ADAM2: variants seen among roughly 807,000 people sequenced by gnomAD.
ADAM2 encodes the protein disintegrin and metalloproteinase domain-containing protein 2.
ADAM2 carries 101 observed loss-of-function variants against 99.3 expected under a neutral mutation model. That is an observed-to-expected ratio of 1.02 (90% CI 0.87 to 1.20). The LOEUF is 1.20. Among genes scored for constraint, ADAM2 ranks in the 50% most tolerant of loss-of-function variants. ADAM2 has a pLI of 0.00. For missense variants in ADAM2, 948 were observed against 878.7 expected, an observed-to-expected ratio of 1.08 and a Z score of -1.00; for synonymous variants, 323 against 287.6, an observed-to-expected ratio of 1.12 and a Z score of -1.25.
chr8:39,773,446 A>G (rs1802861615), intron 11 of ADAM2, among the ~76,000 whole-genome samples: 1 of 151,824 alleles, frequency 6.6e-6, no homozygotes, highest in African/African-American at 2.4e-5. Context: ...TAGATAGGCC[A>G]TGGGAAAGAG....
Position 39,767,226 on chromosome 8 carries a change from C to CCCTT in ADAM2, c.1237_1238insAAGG (p.Cys413Ter), listed in dbSNP as rs769213708. Reference sequence around the variant, plus strand: ...AAATCTACATGTGGCAATATCACAGCATGTTTCTCCAATAAGGGCACAATC... The same window carrying CCCTT: ...AAATCTACATGTGGCAATATCACAGCCCTTATGTTTCTCCAATAAGGGCACAATC... On this transcript the variant is annotated stop_gained and frameshift_variant, in exon 13 of 21. Transcript: ENST00000265708. LOFTEE classifies it high-confidence loss of function. 4.4e-6 allele frequency: 7 copies of CCCTT among 1,606,712 alleles called. No individual in the cohort carries two copies. The African/African-American group carries it at 6.7e-5, about 15-fold the overall frequency.
At chr8:39,817,908 G>T (rs989470267) in intron 6 of ADAM2, 3 of 151,564 alleles carry the variant, frequency 2.0e-5, no homozygotes, top group African/African-American at 7.3e-5. Context: ...GACTCCAAAA[G>T]AAATTAGAAA....
chr8:39,810,734 G>A (rs865821196), intron 6 of ADAM2, among the ~76,000 whole-genome samples: 70 of 151,728 alleles, frequency 4.6e-4, no homozygotes, highest in Non-Finnish European at 6.3e-4. Context: ...CTTTGAAACC[G>A]ATGAGAACAA....
At chr8:39,779,604 A>C (rs1298495931) in intron 10 of ADAM2, among the ~76,000 whole-genome samples, 1 of 152,160 alleles carries the variant, frequency 6.6e-6, no homozygotes, top group Non-Finnish European at 1.5e-5. Flanking sequence ...TATATTTAAC[A>C]CTGAATTTAA....
At chr8:39,785,114 A>G (rs1181171758) in intron 10 of ADAM2, among the ~76,000 whole-genome samples, 1 of 152,228 alleles carries the variant, frequency 6.6e-6, no homozygotes, top group Non-Finnish European at 1.5e-5. Flanking sequence ...TTAGTCATAT[A>G]TTATTTGGCA....
intron 7 of ADAM2, among the ~76,000 whole-genome samples, chr8:39,802,747 A>G (rs1804272180): frequency 6.6e-6 from 1 of 152,042 alleles, no homozygotes; most frequent in Admixed American, 6.6e-5. Flanking sequence ...GGACTACCTA[A>G]CTGCAAACCA....
chr8:39,798,036 C>A (rs1040694615), intron 7 of ADAM2, among the ~76,000 whole-genome samples: 2 of 152,232 alleles, frequency 1.3e-5, no homozygotes, highest in African/African-American at 4.8e-5. Flanking sequence ...TTATTTCTTT[C>A]TCTTGCCTGA....
intron 14 of ADAM2, among the ~76,000 whole-genome samples, chr8:39,763,891 CT>C (rs1341589439): frequency 1.3e-5 from 2 of 152,196 alleles, no homozygotes; most frequent in African/African-American, 4.8e-5. Context: ...CAAGAGCTCA[CT>C]GGAAATTTTA....
intron 14 of ADAM2, among the ~76,000 whole-genome samples, chr8:39,762,300 T>C (rs1802400469): frequency 6.6e-6 from 1 of 152,178 alleles, no homozygotes; most frequent in African/African-American, 2.4e-5. Flanking sequence ...AAGTAAAAGT[T>C]CATTTTGTCC....
At chr8:39,825,439 T>C (rs994048774) in intron 3 of ADAM2, among the ~76,000 whole-genome samples, 17 of 152,112 alleles carry the variant, frequency 1.1e-4, no homozygotes, top group Non-Finnish European at 8.8e-5. Context: ...TGCATCTATG[T>C]TGTTACTAAT....
intron 16 of ADAM2, among the ~76,000 whole-genome samples, chr8:39,753,494 G>C (rs1802032010): frequency 1.3e-5 from 2 of 152,122 alleles, no homozygotes; most frequent in African/African-American, 4.8e-5. Flanking sequence ...AAGTAATGAG[G>C]AGTCAAATGT....
At chr8:39,780,677 T>C (rs1470566268) in intron 10 of ADAM2, among the ~76,000 whole-genome samples, 1 of 152,192 alleles carries the variant, frequency 6.6e-6, no homozygotes, top group African/African-American at 2.4e-5. Flanking sequence ...TACCTACATA[T>C]ATGTTCAGGA....
At chr8:39,811,414 C>G (rs982486603) in intron 6 of ADAM2, among the ~76,000 whole-genome samples, 1 of 152,188 alleles carries the variant, frequency 6.6e-6, no homozygotes, top group Admixed American at 6.5e-5. Flanking sequence ...GGAATCCTCC[C>G]TAACTCATTT....
chr8:39,785,952 T>TACATATAAACCATGGAATACTATGCAGCC, intron 10 of ADAM2, among the ~76,000 whole-genome samples: 1 of 152,120 alleles, frequency 6.6e-6, no homozygotes. Context: ...GAAAATGTGA[T>TACATATAAACCATGGAATACTATGCAGCC]ACATATAAAC....
intron 14 of ADAM2, among the ~76,000 whole-genome samples, chr8:39,763,542 T>G (rs887534380): frequency 2.0e-5 from 3 of 152,238 alleles, no homozygotes; most frequent in African/African-American, 7.2e-5. Flanking sequence ...TACTGGCATG[T>G]ACAGCAATAG....
In ADAM2 at chr8:39,828,663, T is replaced by C. The variant is rs1192567568; in HGVS notation, c.189-3766A>G. Among the ~76,000 whole-genome samples the C allele has an allele frequency of 2.6e-5, 4 of 151,816 alleles. No individual in the cohort carries two copies. The South Asian group carries it at 6.2e-4, about 24-fold the overall frequency. ...TATAAAGTCATAGTAATTAAAACTA[T>C]GACATTTGGACAGATAAATTAGACA... On this transcript the variant is annotated intron_variant, in intron 3 of 20. Coordinates refer to ENST00000265708, the MANE Select transcript of ADAM2 (RefSeq NM_001464.5).
intron 6 of ADAM2, among the ~76,000 whole-genome samples, chr8:39,817,386 A>C (rs1425875516): frequency 2.0e-5 from 3 of 151,098 alleles, no homozygotes; most frequent in Non-Finnish European, 4.4e-5. Context: ...ACAAAAGTAC[A>C]GCTAGATAGA....
chr8:39,810,460 C>T (rs1465479558), intron 6 of ADAM2, among the ~76,000 whole-genome samples: 2 of 152,204 alleles, frequency 1.3e-5, no homozygotes, highest in Non-Finnish European at 2.9e-5. Context: ...GAACTCTCCA[C>T]CCCAAATCAA....
At chr8:39,795,027 G>A (rs1481520200) in intron 7 of ADAM2, among the ~76,000 whole-genome samples, 1 of 151,844 alleles carries the variant, frequency 6.6e-6, no homozygotes, top group Non-Finnish European at 1.5e-5. Context: ...TTTGTTTTGT[G>A]TTATACTTTA....
Sources: gnomAD v4.1 joint callset for allele counts (sites outside exome capture counted in the v4.1 genomes callset) on GRCh38, gnomAD v4.1.1 for gene constraint, MANE v1.5 for transcripts, NCBI Gene and HGNC (gene_info 2026-07-23, HGNC 2026-07-21) for gene names.